KCTD8: variants seen among roughly 807,000 people sequenced by gnomAD.
KCTD8 encodes the protein potassium channel tetramerization domain containing 8.
Under a neutral mutation model 31.5 loss-of-function variants are expected in KCTD8, and 27 were observed. That is an observed-to-expected ratio of 0.86 (90% CI 0.63 to 1.18). KCTD8 has a LOEUF of 1.18. Among genes scored for constraint, KCTD8 ranks in the 50% most tolerant of loss-of-function variants. The pLI, the probability that KCTD8 is intolerant of heterozygous loss-of-function variation, is 0.00. For synonymous variants in KCTD8, 290 were observed against 280.0 expected (o/e 1.04, Z -0.36); for missense variants, 658 against 647.7 (o/e 1.02, Z -0.17).
At chr4:44,424,049 ATCCATCTTTAG>A (rs1276960178) in intron 1 of KCTD8, among the ~76,000 whole-genome samples, 12 of 152,100 alleles carry the variant, frequency 7.9e-5, no homozygotes, top group Non-Finnish European at 1.3e-4. Flanking sequence ...GTCTAACACT[ATCCATCTTTAG>A]TCCAGCACAA....
chr4:44,367,062 C>T (rs1451797140), intron 1 of KCTD8, among the ~76,000 whole-genome samples: 1 of 152,110 alleles, frequency 6.6e-6, no homozygotes, highest in East Asian at 1.9e-4. Context: ...ACTAGTCTTC[C>T]TTCAGTCCCT....
chr4:44,419,264 GAA>G, intron 1 of KCTD8, among the ~76,000 whole-genome samples: 1 of 152,242 alleles, frequency 6.6e-6, no homozygotes, highest in South Asian at 2.1e-4. Context: ...ATCAATATGT[GAA>G]AAGAAACAGA....
intron 1 of KCTD8, among the ~76,000 whole-genome samples, chr4:44,429,792 C>A (rs956737386): frequency 3.3e-5 from 5 of 151,424 alleles, no homozygotes; most frequent in Admixed American, 6.6e-5. Flanking sequence ...GGTAATAGAG[C>A]CCAGAGCATG....
At chr4:44,179,604 A>C (rs1466612077) in intron 1 of KCTD8, among the ~76,000 whole-genome samples, 1 of 151,308 alleles carries the variant, frequency 6.6e-6, no homozygotes, top group Non-Finnish European at 1.5e-5. Context: ...TCCCAATCAG[A>C]CCAAACAGAT....
At chr4:44,261,457 C>T (rs545639766) in intron 1 of KCTD8, among the ~76,000 whole-genome samples, 9 of 151,890 alleles carry the variant, frequency 5.9e-5, no homozygotes, top group Middle Eastern at 3.4e-3. Flanking sequence ...GAAGAGGTAT[C>T]GACATCTATT....
At chr4:44,211,268 C>T (rs1389294325) in intron 1 of KCTD8, among the ~76,000 whole-genome samples, 1 of 152,168 alleles carries the variant, frequency 6.6e-6, no homozygotes, top group Non-Finnish European at 1.5e-5. Flanking sequence ...AAACCAGTGG[C>T]TTCTCTCTAA....
intron 1 of KCTD8, among the ~76,000 whole-genome samples, chr4:44,285,044 C>A (rs1717024482): frequency 1.3e-5 from 2 of 152,094 alleles, no homozygotes; most frequent in African/African-American, 4.8e-5. Context: ...TTAGTTCAAC[C>A]ATTGTGGAAG....
chr4:44,274,088 T>A (rs529155921), intron 1 of KCTD8, among the ~76,000 whole-genome samples: 3 of 152,042 alleles, frequency 2.0e-5, no homozygotes, highest in East Asian at 1.9e-4. Flanking sequence ...ATAGTTTTAA[T>A]AAAATTGAAC....
At chr4:44,398,633 C>T (rs901166327) in intron 1 of KCTD8, among the ~76,000 whole-genome samples, 3 of 152,200 alleles carry the variant, frequency 2.0e-5, no homozygotes, top group South Asian at 4.1e-4. Flanking sequence ...ATTAAAGATC[C>T]GGAACGAACT....
intron 1 of KCTD8, among the ~76,000 whole-genome samples, chr4:44,429,564 G>C (rs898092483): frequency 6.6e-6 from 1 of 151,608 alleles, no homozygotes; most frequent in Non-Finnish European, 1.5e-5. Context: ...ATGAAACACT[G>C]GCATAAAAAT....
At chr4:44,213,451 C>T (rs1670244026) in intron 1 of KCTD8, among the ~76,000 whole-genome samples, 1 of 152,068 alleles carries the variant, frequency 6.6e-6, no homozygotes, top group South Asian at 2.1e-4. Flanking sequence ...ATTCCAATTC[C>T]AGTGTTTCTT....
chr4:44,372,104 T>A (rs1406705855), intron 1 of KCTD8, among the ~76,000 whole-genome samples: 1 of 152,210 alleles, frequency 6.6e-6, no homozygotes, highest in Non-Finnish European at 1.5e-5. Flanking sequence ...AGAAAATATT[T>A]TCATGGTATA....
intron 1 of KCTD8, among the ~76,000 whole-genome samples, chr4:44,203,736 G>A (rs76617844): frequency 0.032 from 4,863 of 151,702 alleles, 261 homozygotes; most frequent in African/African-American, 0.11. Flanking sequence ...AAAGAGCAAA[G>A]ACATAAAGAC....
At chr4:44,312,645 T>C (rs914777265) in intron 1 of KCTD8, among the ~76,000 whole-genome samples, 13 of 152,206 alleles carry the variant, frequency 8.5e-5, no homozygotes, top group Admixed American at 5.9e-4. Context: ...TCTGCCACTT[T>C]TAATACCAAA....
chr4:44,248,280 T>A (rs1715726910), intron 1 of KCTD8, among the ~76,000 whole-genome samples: 1 of 151,914 alleles, frequency 6.6e-6, no homozygotes, highest in South Asian at 2.1e-4. Flanking sequence ...ATTATGTTTA[T>A]AATTTACCTG....
chr4:44,198,284 C>T (rs757731036), intron 1 of KCTD8, among the ~76,000 whole-genome samples: 3 of 152,008 alleles, frequency 2.0e-5, no homozygotes, highest in African/African-American at 4.8e-5. Flanking sequence ...GGTAAACATG[C>T]AATTTTAAGA....
chr4:44,419,175 G>A (rs1232776673), intron 1 of KCTD8, among the ~76,000 whole-genome samples: 1 of 152,172 alleles, frequency 6.6e-6, no homozygotes, highest in Non-Finnish European at 1.5e-5. Flanking sequence ...CTAAAATTGG[G>A]TGGCAAATAT....
intron 1 of KCTD8, among the ~76,000 whole-genome samples, chr4:44,401,358 C>A (rs529791728): frequency 6.6e-5 from 10 of 152,092 alleles, no homozygotes; most frequent in Non-Finnish European, 1.3e-4. Flanking sequence ...AAGTATATTT[C>A]CCTGATGCGC....
chr4:44,189,808 T>G (rs1376088810), intron 1 of KCTD8, among the ~76,000 whole-genome samples: 1 of 152,210 alleles, frequency 6.6e-6, no homozygotes, highest in Admixed American at 6.5e-5. Context: ...ACTTCATTAT[T>G]CTTTTTCTCT....
Sources: allele counts gnomAD v4.1 joint callset (sites outside exome capture counted in the v4.1 genomes callset), GRCh38; gene constraint gnomAD v4.1.1; transcripts MANE v1.5; gene names NCBI Gene and HGNC (gene_info 2026-07-23, HGNC 2026-07-21).